The following TAPT1 variants were observed in gnomAD, a reference collection of about 807,000 sequenced individuals.
TAPT1 encodes transmembrane anterior posterior transformation protein 1 homolog.
A neutral mutation model predicts 65.6 loss-of-function variants in TAPT1; 28 were observed. The observed-to-expected ratio is 0.43, with a 90% CI of 0.32 to 0.59. The LOEUF (loss-of-function observed/expected upper bound fraction) is 0.59, where lower values mean the gene tolerates loss of function less well. Ranked by LOEUF, TAPT1 falls within the 20% of genes least tolerant of loss-of-function variation. TAPT1 has a pLI of 0.09. For synonymous variants in TAPT1, 278 were observed against 245.2 expected (o/e 1.13, Z -1.25); for missense variants, 563 against 679.9 (o/e 0.83, Z 1.91).
Position 16,205,177 on chromosome 4 carries a change from T to C in TAPT1, c.331-2597A>G, listed in dbSNP as rs528051528. On this transcript the variant is annotated intron_variant, in intron 2 of 13. Transcript: ENST00000405303. ...CCTTTATGACAAAAATCTCCTGCCCTTCTTTTAGCACCATTTGAAATTTCA... is the reference window on the plus strand; with the variant it reads ...CCTTTATGACAAAAATCTCCTGCCCCTCTTTTAGCACCATTTGAAATTTCA... Among the ~76,000 whole-genome samples the C allele has an allele frequency of 4.6e-5, 7 of 152,336 alleles. No individual in the cohort carries two copies. In the South Asian group the frequency reaches 1.5e-3, roughly 32 times the overall value.
chr4:16,176,973 A>G (rs543258926), intron 8 of TAPT1, among the ~76,000 whole-genome samples: 1 of 152,326 alleles, frequency 6.6e-6, no homozygotes, highest in East Asian at 1.9e-4. Context: ...TAAAGATATT[A>G]ATCAATCCTT....
chr4:16,205,248 T>C (rs968337525), intron 2 of TAPT1, among the ~76,000 whole-genome samples: 2 of 152,224 alleles, frequency 1.3e-5, no homozygotes, highest in African/African-American at 4.8e-5. Context: ...CATAATGATT[T>C]TGCAATATAT....
At chr4:16,226,120 G>T in intron 1 of TAPT1, 139 bp downstream of exon 1, 3 of 1,026,692 alleles carry the variant, frequency 2.9e-6, no homozygotes, top group Non-Finnish European at 3.5e-6. Context: ...CGGCGGCTCC[G>T]CGCGCCCACA....
In TAPT1 at chr4:16,226,452, C is replaced by T. The variant is rs997581682; in HGVS notation, c.6G>A (p.Ala2=). Residue 2 remains alanine, a synonymous_variant, in exon 1 of 14, where the codon GCG becomes GCA. Transcript: ENST00000405303. ...CCGGAGCGGCCGCGTCGCCGACGCC[C>T]GCCATGTTCCGAGCACAACAAACTG... The part of the protein sequence containing the change: M[A]GVGDAAAPGE... 1.1e-4 allele frequency: 116 copies of T among 1,064,850 alleles called. 1 individual carries two copies. In the African/African-American group the frequency reaches 1.7e-3, roughly 16 times the overall value. 66.0% of individuals were successfully genotyped at this position (1,064,850 alleles called of 1,614,324 possible). A position where few individuals can be genotyped will look rare whatever the true frequency, so the allele number is the denominator to read the frequency against.
In TAPT1 at chr4:16,188,305, G is replaced by C; in HGVS notation, c.663C>G (p.Leu221=). The part of the protein sequence containing the change: ...SSFGQDILDA[L]YWTATEPKER... ...CTTTAGGCTCTGTTGCTGTCCAATA[G>C]AGAGCATCTAATATGTCTTGTCCAA... Residue 221 remains leucine, a synonymous_variant, in exon 5 of 14, where the codon CTC becomes CTG. Transcript: ENST00000405303. 3.7e-6 allele frequency: 6 copies of C among 1,611,262 alleles called. No homozygotes were observed. The highest frequency in any genetic ancestry group is 1.3e-5 in the African/African-American group (1 of 74,890).
chr4:16,226,719 G>T, upstream of TAPT1: 1 of 151,876 alleles, frequency 6.6e-6, no homozygotes, highest in South Asian at 1.8e-4. Context: ...TGGCTGGCTC[G>T]GCCGGCCGGG....
At chr4:16,220,352 C>T (rs1436841273) in intron 1 of TAPT1, among the ~76,000 whole-genome samples, 1 of 152,194 alleles carries the variant, frequency 6.6e-6, no homozygotes, top group African/African-American at 2.4e-5. Context: ...ACATCTACCT[C>T]TACGTTTTAA....
rs1167165399 is a variant in TAPT1, at chr4:16,210,999, G to A, written c.330+2769C>T. ...GCAATTCATTTTTACTAAATGTCAA[G>A]TATAAGGTATTTATCCAATGACAAT... On this transcript the variant is annotated intron_variant, in intron 2 of 13. Coordinates refer to ENST00000405303, the MANE Select transcript of TAPT1 (RefSeq NM_153365.3). Among the ~76,000 whole-genome samples the A allele has an allele frequency of 5.9e-4, 90 of 151,288 alleles. 1 individual carries two copies. The highest frequency in any genetic ancestry group is 1.6e-4 in the Non-Finnish European group (11 of 67,876).
At chr4:16,174,128 T>C (rs188884005) in intron 11 of TAPT1, 76 bp downstream of exon 11, 2 of 1,185,690 alleles carry the variant, frequency 1.7e-6, no homozygotes, top group Admixed American at 2.6e-5. Flanking sequence ...GAAACAATCA[T>C]ATTAATAATC....
At chr4:16,189,667 C>G (rs1749243334) in intron 4 of TAPT1, among the ~76,000 whole-genome samples, 1 of 152,212 alleles carries the variant, frequency 6.6e-6, no homozygotes, top group Non-Finnish European at 1.5e-5. Context: ...GGTGGTTTGC[C>G]TCTTCCAGAG....
At position 16,188,458 on chromosome 4, in the gene TAPT1, C is replaced by T. The variant is rs1578439511; in HGVS notation, c.613-103G>A. ...ATCCTGGAGATCTGTGTTTTAAATC[C>T]TAGTAGAAGGCAAGCTAAAGAGGAG... is the stretch of plus-strand genomic sequence containing the variant. On this transcript the variant is annotated intron_variant, in intron 4 of 13. Transcript: ENST00000405303. 9 of 916,316 alleles carry T rather than the reference C, an allele frequency of 9.8e-6. No homozygotes were observed. In the East Asian group the frequency reaches 2.5e-4, roughly 26 times the overall value. 56.8% of individuals were successfully genotyped at this position (916,316 alleles called of 1,614,324 possible). A position where few individuals can be genotyped will look rare whatever the true frequency, so the allele number is the denominator to read the frequency against.
At chr4:16,188,426 A>G (rs1162117784) in intron 4 of TAPT1, 71 bp from the exon 5 acceptor site, 6 of 1,237,146 alleles carry the variant, frequency 4.8e-6, no homozygotes, top group South Asian at 3.6e-5. Flanking sequence ...ATTGAGATAT[A>G]GCTCAAATCC....
At chr4:16,217,986 T>C (rs1751037514) in intron 1 of TAPT1, among the ~76,000 whole-genome samples, 1 of 152,192 alleles carries the variant, frequency 6.6e-6, no homozygotes, top group Non-Finnish European at 1.5e-5. Flanking sequence ...GAGATCCTCA[T>C]TGTCCACACT....
chr4:16,183,409 T>C (rs75153127), intron 7 of TAPT1, among the ~76,000 whole-genome samples: 3,548 of 152,230 alleles, frequency 0.023, 130 homozygotes, highest in African/African-American at 0.079. Flanking sequence ...TCATTTTTTT[T>C]CCCAGAGTTT....
chr4:16,222,491 A>C (rs1480830047), intron 1 of TAPT1, among the ~76,000 whole-genome samples: 1 of 152,178 alleles, frequency 6.6e-6, no homozygotes. Context: ...AGAATCAGTC[A>C]CCCTTTAATC....
intron 2 of TAPT1, among the ~76,000 whole-genome samples, chr4:16,212,427 G>C (rs1246082396): frequency 1.3e-5 from 2 of 152,206 alleles, no homozygotes; most frequent in African/African-American, 2.4e-5. Flanking sequence ...CAAGCTAACA[G>C]TCTTTTAAGA....
In TAPT1 at chr4:16,192,482, A is replaced by AT. The variant is rs549616726; in HGVS notation, c.450-960dup. On this transcript the variant is annotated intron_variant, in intron 3 of 13. Coordinates refer to ENST00000405303, the MANE Select transcript of TAPT1 (RefSeq NM_153365.3). ...AGACCTCTGTGACTTCAGTTGAAATATTTTTTTCATAATTAATATGAGCAG... is the reference window on the plus strand; with the variant it reads ...AGACCTCTGTGACTTCAGTTGAAATATTTTTTTTCATAATTAATATGAGCAG... Among the ~76,000 whole-genome samples the AT allele has an allele frequency of 1.1e-3, 170 of 152,276 alleles. No homozygotes were observed. The Middle Eastern group carries it at 0.02, about 18-fold the overall frequency.
At chr4:16,213,486 G>A (rs1392774819) in intron 2 of TAPT1, among the ~76,000 whole-genome samples, 1 of 152,174 alleles carries the variant, frequency 6.6e-6, no homozygotes, top group Non-Finnish European at 1.5e-5. Context: ...GGGTACAGAA[G>A]TAGAGATTAA....
At chr4:16,224,865 C>T (rs532675404) in intron 1 of TAPT1, among the ~76,000 whole-genome samples, 307 of 152,304 alleles carry the variant, frequency 2.0e-3, no homozygotes, top group African/African-American at 7.0e-3. Flanking sequence ...TTCCTCTCCA[C>T]GCAAACAACA....
Sources: allele counts gnomAD v4.1 joint callset (sites outside exome capture counted in the v4.1 genomes callset), GRCh38; gene constraint gnomAD v4.1.1; transcripts MANE v1.5; gene names NCBI Gene and HGNC (gene_info 2026-07-23, HGNC 2026-07-21).